CFAP206: variants seen among roughly 807,000 people sequenced by gnomAD.
The protein encoded by CFAP206 is cilia and flagella associated protein 206.
Under a neutral mutation model 65.4 loss-of-function variants are expected in CFAP206, and 53 were observed. That is an observed-to-expected ratio of 0.81 (90% CI 0.65 to 1.02). The LOEUF is 1.02. CFAP206 is among the 50% of genes least tolerant of loss of function. CFAP206 has a pLI of 0.00. For missense variants in CFAP206, 663 were observed against 753.2 expected (o/e 0.88, Z 1.40); for synonymous variants, 250 against 254.4 (o/e 0.98, Z 0.17).
rs1018528660 is a variant in CFAP206, at chr6:87,416,970, T to C, written c.631+143T>C. On this transcript the variant is annotated intron_variant, in intron 6 of 12. Coordinates refer to ENST00000369562, the MANE Select transcript of CFAP206 (RefSeq NM_001031743.3). Reference sequence around the variant, plus strand: ...TTACTGTTTCCTTAAGAATAACTACTGTTTATAATGTGTAGTGATTTTTAC... The same window carrying C: ...TTACTGTTTCCTTAAGAATAACTACCGTTTATAATGTGTAGTGATTTTTAC... 5.7e-6 allele frequency: 4 copies of C among 705,826 alleles called. No homozygotes were observed. The African/African-American group carries it at 7.1e-5, about 13-fold the overall frequency. 43.7% of individuals were successfully genotyped at this position (705,826 alleles called of 1,614,324 possible).
intron 3 of CFAP206, among the ~76,000 whole-genome samples, chr6:87,412,499 A>G (rs1244272314): frequency 6.6e-6 from 1 of 152,134 alleles, no homozygotes; most frequent in Non-Finnish European, 1.5e-5. Flanking sequence ...TTGATATTCA[A>G]TATAAAGAGG....
intron 6 of CFAP206, 74 bp downstream of exon 6, chr6:87,416,901 AAAC>A: frequency 7.9e-7 from 1 of 1,259,982 alleles, no homozygotes; most frequent in South Asian, 1.5e-5. Flanking sequence ...GGAAAATAAT[AAAC>A]AACACACCAC....
At chr6:87,448,230 A>C (rs1768479106) in intron 11 of CFAP206, among the ~76,000 whole-genome samples, 1 of 152,062 alleles carries the variant, frequency 6.6e-6, no homozygotes, top group South Asian at 2.1e-4. Context: ...ATCATAGCCC[A>C]CTGCAGCCTC....
intron 7 of CFAP206, among the ~76,000 whole-genome samples, chr6:87,423,810 G>A (rs564119615): frequency 1.3e-4 from 20 of 151,960 alleles, no homozygotes; most frequent in Admixed American, 6.6e-4. Context: ...AGGAGGAGGA[G>A]TAAAGCTTAA....
chr6:87,461,531 A>G (rs140060524), intron 12 of CFAP206, among the ~76,000 whole-genome samples: 1 of 152,042 alleles, frequency 6.6e-6, no homozygotes, highest in African/African-American at 2.4e-5. Flanking sequence ...ACAACATATT[A>G]TCTCCAGACC....
chr6:87,426,620 T>C lies in CFAP206; in HGVS notation c.935T>C (p.Ile312Thr). 3 of 1,592,764 alleles carry C rather than the reference T, an allele frequency of 1.9e-6. No individual in the cohort carries two copies. The highest frequency in any genetic ancestry group is 2.6e-6 in the Non-Finnish European group (3 of 1,169,532). ...CTAAAAATGACCATAAAATCAAAGA[T>C]AGCGGTCCCAACATCACAAGTCTTT... Reference protein sequence around the residue: ...EQLKMTIKSKIAVPTSQVFPI... With the variant: ...EQLKMTIKSKTAVPTSQVFPI... Residue 312 changes from isoleucine to threonine, a missense_variant, in exon 8 of 13, where the codon ATA becomes ACA. Transcript: ENST00000369562.
chr6:87,411,882 G>C (rs989985748), intron 3 of CFAP206, among the ~76,000 whole-genome samples: 1 of 152,198 alleles, frequency 6.6e-6, no homozygotes, highest in Non-Finnish European at 1.5e-5. Context: ...TCTTACACCA[G>C]TTAGAATATC....
rs73752021 is a variant in CFAP206 at position 87,460,938 on chromosome 6, T to C, written c.1495-84T>C. On this transcript the variant is annotated intron_variant, in intron 11 of 12. Coordinates refer to ENST00000369562, the MANE Select transcript of CFAP206 (RefSeq NM_001031743.3). ...AAAAATTATTGTTTTTTAAGTGTTT[T>C]GTTAGTTTTAGCTAAATATTTTAGT... 8.0e-4 allele frequency: 970 copies of C among 1,206,002 alleles called. 7 individuals are homozygous for C. In the African/African-American group the frequency reaches 0.014, roughly 17 times the overall value. The allele number at this position is 1,206,002 out of a possible 1,614,324, so 74.7% of individuals were successfully genotyped here. A position where few individuals can be genotyped will look rare whatever the true frequency, so the allele number is the denominator to read the frequency against.
In CFAP206 at chr6:87,413,908, A is replaced by G. The variant is rs767989524; in HGVS notation, c.283+8A>G. On this transcript the variant is annotated splice_region_variant and intron_variant, in intron 4 of 12. Transcript: ENST00000369562. ...TGAATTATACGAATCGAGGTAATGT[A>G]TACTACCTATTTTTATACTTAAAAA... The G allele has an allele frequency of 1.4e-6, 2 of 1,421,018 alleles. No homozygotes were observed. The highest frequency in any genetic ancestry group is 1.5e-5 in the African/African-American group (1 of 67,122). 88.0% of individuals were successfully genotyped at this position (1,421,018 alleles called of 1,614,324 possible).
At chr6:87,423,240 AT>A (rs112552229) in intron 7 of CFAP206, among the ~76,000 whole-genome samples, 53,514 of 143,332 alleles carry the variant, frequency 0.37, 10,897 homozygotes, top group African/African-American at 0.57. Flanking sequence ...TTTTATTTTT[AT>A]TTTTTTATTT....
At chr6:87,452,309 G>T (rs1768560849) in intron 11 of CFAP206, among the ~76,000 whole-genome samples, 1 of 152,224 alleles carries the variant, frequency 6.6e-6, no homozygotes, top group African/African-American at 2.4e-5. Context: ...CAAAGTCATA[G>T]ATCACAACAC....
intron 3 of CFAP206, 140 bp from the exon 4 acceptor site, chr6:87,413,669 GA>G (rs921430800): frequency 1.5e-3 from 768 of 520,562 alleles, no homozygotes; most frequent in Middle Eastern, 2.4e-3. Flanking sequence ...TCCTCAAGGA[GA>G]AAAAAAAAAT....
At chr6:87,447,186 C>A (rs746234511) in intron 11 of CFAP206, among the ~76,000 whole-genome samples, 1 of 152,096 alleles carries the variant, frequency 6.6e-6, no homozygotes, top group African/African-American at 2.4e-5. Flanking sequence ...TTATTTCTTT[C>A]TCTTGCCTGA....
chr6:87,411,963 C>G (rs1159020297), intron 3 of CFAP206, among the ~76,000 whole-genome samples: 2 of 152,140 alleles, frequency 1.3e-5, no homozygotes, highest in East Asian at 3.9e-4. Flanking sequence ...TTGTTCTTAG[C>G]AATAGGGGAA....
In CFAP206 at chr6:87,410,532, AT is replaced by A. The variant is rs1287040879; in HGVS notation, c.109-51del. 4 of 1,270,546 alleles carry A rather than the reference AT, an allele frequency of 3.1e-6. No individual in the cohort carries two copies. The East Asian group carries it at 9.2e-5, about 29-fold the overall frequency. The allele number at this position is 1,270,546 out of a possible 1,614,324, so 78.7% of individuals were successfully genotyped here. ...TATTAAGCTAATAATATGAAATAAA[AT>A]TGCTTAATGGATTCTTTCCTAGTTA... On this transcript the variant is annotated intron_variant, in intron 2 of 12. Coordinates refer to ENST00000369562, the MANE Select transcript of CFAP206 (RefSeq NM_001031743.3).
intron 11 of CFAP206, among the ~76,000 whole-genome samples, chr6:87,447,668 G>A (rs1167172886): frequency 6.6e-6 from 1 of 151,860 alleles, no homozygotes; most frequent in African/African-American, 2.4e-5. Flanking sequence ...GCCAGGTTTT[G>A]GTATCTGTAT....
intron 11 of CFAP206, among the ~76,000 whole-genome samples, chr6:87,451,793 G>A (rs1318343062): frequency 6.6e-6 from 1 of 151,514 alleles, no homozygotes; most frequent in Admixed American, 6.6e-5. Context: ...TAAGAAATCC[G>A]CTTCCCTGGC....
chr6:87,445,521 G>C (rs761601896), intron 11 of CFAP206, among the ~76,000 whole-genome samples: 1 of 151,908 alleles, frequency 6.6e-6, no homozygotes, highest in African/African-American at 2.4e-5. Flanking sequence ...CCATGTCCCC[G>C]CAAAGGACAT....
At chr6:87,413,977 C>A in intron 4 of CFAP206, 77 bp downstream of exon 4, 1 of 645,232 alleles carries the variant, frequency 1.5e-6, no homozygotes, top group Non-Finnish European at 2.4e-6. Flanking sequence ...ATTTGGTTGA[C>A]AATGAATTTA....
Sources: gnomAD v4.1 joint callset for allele counts (sites outside exome capture counted in the v4.1 genomes callset) on GRCh38, gnomAD v4.1.1 for gene constraint, MANE v1.5 for transcripts, NCBI Gene and HGNC (gene_info 2026-07-23, HGNC 2026-07-21) for gene names.